TRIM44: variants seen among roughly 807,000 people sequenced by gnomAD.
TRIM44 encodes tripartite motif-containing protein 44.
Under a neutral mutation model 37.4 loss-of-function variants are expected in TRIM44, and 13 were observed. That is an observed-to-expected ratio of 0.35 (90% CI 0.23 to 0.55). The LOEUF (loss-of-function observed/expected upper bound fraction) is 0.55, where lower values mean the gene tolerates loss of function less well. TRIM44 is among the 20% of genes least tolerant of loss of function. The pLI is 0.89. For synonymous variants in TRIM44, 175 were observed against 157.2 expected (o/e 1.11, Z -0.85); for missense variants, 426 against 437.2 (o/e 0.97, Z 0.23).
chr11:35,677,689 A>G (rs1851473683), intron 1 of TRIM44, among the ~76,000 whole-genome samples: 1 of 152,208 alleles, frequency 6.6e-6, no homozygotes, highest in Non-Finnish European at 1.5e-5. Context: ...TCATTCAACA[A>G]ATATTTATTG....
chr11:35,700,093 A>G (rs60344469), intron 2 of TRIM44, among the ~76,000 whole-genome samples: 1,576 of 152,324 alleles, frequency 0.01, 27 homozygotes, highest in African/African-American at 0.036. Context: ...GAACTGGAAA[A>G]AACTACTTTA....
intron 4 of TRIM44, among the ~76,000 whole-genome samples, chr11:35,764,309 A>G (rs1852765089): frequency 1.3e-5 from 2 of 152,134 alleles, no homozygotes. Flanking sequence ...GCTCACCATT[A>G]CAGTAAGCAG....
rs577681388 is a variant in TRIM44 at position 35,709,567 on chromosome 11, C to T, written c.748-16357C>T. Among the ~76,000 whole-genome samples, 10 of 152,302 alleles carry T rather than the reference C, an allele frequency of 6.6e-5. No individual in the cohort carries two copies. In the East Asian group the frequency reaches 7.7e-4, roughly 12 times the overall value. On this transcript the variant is annotated intron_variant, in intron 2 of 4. Transcript: ENST00000299413. ...AGCCAATTAATTACCAGACCAAATC[C>T]ATTCCTGGACCCAGCCCAGTTTCCG...
chr11:35,766,817 C>A (rs1354571948), intron 4 of TRIM44, among the ~76,000 whole-genome samples: 1 of 152,208 alleles, frequency 6.6e-6, no homozygotes. Context: ...TTGTGCCTCA[C>A]CAGCCTCCCT....
At chr11:35,686,792 A>G (rs903055712) in intron 2 of TRIM44, among the ~76,000 whole-genome samples, 1 of 152,098 alleles carries the variant, frequency 6.6e-6, no homozygotes, top group Non-Finnish European at 1.5e-5. Flanking sequence ...TCCTGACCTC[A>G]AGTGATCTGC....
At chr11:35,775,184 C>G (rs1413320851) in intron 4 of TRIM44, among the ~76,000 whole-genome samples, 1 of 152,216 alleles carries the variant, frequency 6.6e-6, no homozygotes, top group African/African-American at 2.4e-5. Flanking sequence ...AGGTCCCTCA[C>G]ATCCCTTGTA....
At chr11:35,802,090 T>C (rs1037467586) in intron 4 of TRIM44, among the ~76,000 whole-genome samples, 1 of 152,238 alleles carries the variant, frequency 6.6e-6, no homozygotes, top group African/African-American at 2.4e-5. Flanking sequence ...TATAATCTAA[T>C]TGGCAAAGCC....
rs191804191 is a variant in TRIM44, at chr11:35,702,376, G to A, written c.747+17040G>A. Reference sequence around the variant, plus strand: ...ATCCCACGCCAGCTTGTGTGGCTGCGGAGTGGGCACATCCCTGGACTGAGA... The same window carrying A: ...ATCCCACGCCAGCTTGTGTGGCTGCAGAGTGGGCACATCCCTGGACTGAGA... On this transcript the variant is annotated intron_variant, in intron 2 of 4. Coordinates refer to ENST00000299413, the MANE Select transcript of TRIM44 (RefSeq NM_017583.6). Among the ~76,000 whole-genome samples, 146 of 152,346 alleles carry A rather than the reference G, an allele frequency of 9.6e-4. 1 individual carries two copies. The highest frequency in any genetic ancestry group is 3.2e-3 in the African/African-American group (134 of 41,584).
At chr11:35,725,280 TG>T (rs1426021051) in intron 2 of TRIM44, among the ~76,000 whole-genome samples, 15 of 152,184 alleles carry the variant, frequency 9.9e-5, no homozygotes, top group African/African-American at 3.6e-4. Context: ...GAAAAATGGC[TG>T]GGAGGATACA....
At chr11:35,759,315 G>A (rs868263151) in intron 4 of TRIM44, among the ~76,000 whole-genome samples, 2 of 152,054 alleles carry the variant, frequency 1.3e-5, no homozygotes, top group South Asian at 2.1e-4. Context: ...TTGTGCATTC[G>A]TCACGTAGTT....
rs567548967 is a variant in TRIM44 at position 35,763,761 on chromosome 11, C to T, written c.1007+28316C>T. Reference sequence around the variant, plus strand: ...TTGGGTTGTGTGCCTTTCCTTTTTGCCTTTGCTCGTAGCCTTCGCTTTCTC... The same window carrying T: ...TTGGGTTGTGTGCCTTTCCTTTTTGTCTTTGCTCGTAGCCTTCGCTTTCTC... On this transcript the variant is annotated intron_variant, in intron 4 of 4. Coordinates refer to ENST00000299413, the MANE Select transcript of TRIM44 (RefSeq NM_017583.6). Among the ~76,000 whole-genome samples, 5 of 152,204 alleles carry T rather than the reference C, an allele frequency of 3.3e-5. No homozygotes were observed. In the South Asian group the frequency reaches 1.0e-3, roughly 32 times the overall value.
intron 2 of TRIM44, among the ~76,000 whole-genome samples, chr11:35,708,992 CAAAAAA>C (rs200530093): frequency 8.5e-6 from 1 of 118,192 alleles, no homozygotes; most frequent in Non-Finnish European, 1.8e-5. Flanking sequence ...GCCCCCCCCC[CAAAAAA>C]AAAGAACTTT....
At chr11:35,794,110 T>A (rs1853252016) in intron 4 of TRIM44, among the ~76,000 whole-genome samples, 1 of 152,218 alleles carries the variant, frequency 6.6e-6, no homozygotes, top group African/African-American at 2.4e-5. Context: ...GCTTTTTCCA[T>A]GATCAGTCTC....
chr11:35,749,575 C>T (rs907365456), intron 4 of TRIM44, among the ~76,000 whole-genome samples: 3 of 152,222 alleles, frequency 2.0e-5, no homozygotes, highest in African/African-American at 7.2e-5. Context: ...ATCCCACCTA[C>T]TCAGGAGGCT....
At chr11:35,697,441 G>T (rs553166113) in intron 2 of TRIM44, among the ~76,000 whole-genome samples, 3 of 137,760 alleles carry the variant, frequency 2.2e-5, no homozygotes, top group Non-Finnish European at 4.7e-5. Flanking sequence ...TATGTGCCAC[G>T]TTTTCTTTTT....
chr11:35,692,293 C>T (rs956449420), intron 2 of TRIM44, among the ~76,000 whole-genome samples: 1 of 152,116 alleles, frequency 6.6e-6, no homozygotes, highest in African/African-American at 2.4e-5. Flanking sequence ...TTCTCATGCA[C>T]ATGGTCATGT....
chr11:35,775,649 T>A (rs190899149), intron 4 of TRIM44, among the ~76,000 whole-genome samples: 2 of 152,328 alleles, frequency 1.3e-5, no homozygotes, highest in African/African-American at 4.8e-5. Context: ...ATCCCATCAG[T>A]ACCTAGTTTA....
At chr11:35,735,377 C>A in intron 3 of TRIM44, 49 bp from the exon 4 acceptor site, 1 of 1,603,182 alleles carries the variant, frequency 6.2e-7, no homozygotes, top group East Asian at 2.2e-5. Context: ...CTGACTCTGT[C>A]TGTACCAACA....
chr11:35,677,465 TTAG>T (rs1353716072), intron 1 of TRIM44, among the ~76,000 whole-genome samples: 1 of 151,918 alleles, frequency 6.6e-6, no homozygotes, highest in Non-Finnish European at 1.5e-5. Context: ...TACCTGATAC[TTAG>T]TAGTCACTCA....
Sources: gnomAD v4.1 joint callset for allele counts (sites outside exome capture counted in the v4.1 genomes callset) on GRCh38, gnomAD v4.1.1 for gene constraint, MANE v1.5 for transcripts, NCBI Gene and HGNC (gene_info 2026-07-23, HGNC 2026-07-21) for gene names.